CFC1: variants seen among roughly 807,000 people sequenced by gnomAD.
The protein encoded by CFC1 is cryptic protein.
For synonymous variants in CFC1, 8 were observed against 50.7 expected (o/e 0.16, Z 3.58); for missense variants, 14 against 120.0 (o/e 0.12, Z 4.13).
rs1290512526 is a variant in CFC1 at position 130,592,178 on chromosome 2, T to C, written c.*699A>G. 1 of 148,536 alleles carries C rather than the reference T, an allele frequency of 6.7e-6. No homozygotes were observed. Among genetic ancestry groups the C allele is most frequent in the East Asian group, 1.9e-4 (1 of 5,144 alleles). 9.2% of individuals were successfully genotyped at this position (148,536 alleles called of 1,614,324 possible). A position where few individuals can be genotyped will look rare whatever the true frequency, so the allele number is the denominator to read the frequency against. Reference sequence around the variant, plus strand: ...CCAAGCCAGCCCTCTAATGAAGTTCTACTTTATTTTTCTTTAATACTCATT... The same window carrying C: ...CCAAGCCAGCCCTCTAATGAAGTTCCACTTTATTTTTCTTTAATACTCATT... On this transcript the variant is annotated 3_prime_UTR_variant, in exon 6 of 6. Transcript: ENST00000259216.
chr2:130,598,210 G>GTGGC (rs1209751131), intron 3 of CFC1, among the ~76,000 whole-genome samples: 20 of 135,528 alleles, frequency 1.5e-4, no homozygotes, highest in Non-Finnish European at 1.5e-5. Flanking sequence ...ACCTCTGGCT[G>GTGGC]TGGCTTCACC....
chr2:130,594,337 C>T (rs1684906739), intron 5 of CFC1, among the ~76,000 whole-genome samples: 1 of 146,422 alleles, frequency 6.8e-6, no homozygotes, highest in South Asian at 2.1e-4. Flanking sequence ...GGTGCTAAGA[C>T]AGGCGCTCAC....
At chr2:130,596,834 C>T (rs1391286309) in intron 5 of CFC1, among the ~76,000 whole-genome samples, 1 of 146,206 alleles carries the variant, frequency 6.8e-6, no homozygotes, top group African/African-American at 2.8e-5. Flanking sequence ...CGGGGCTGTG[C>T]TCTTTGACAG....
chr2:130,595,798 T>C (rs1205704774), intron 5 of CFC1, among the ~76,000 whole-genome samples: 1 of 149,946 alleles, frequency 6.7e-6, no homozygotes, highest in Non-Finnish European at 1.5e-5. Flanking sequence ...TTACTATCTG[T>C]AGGAGTTGAT....
intron 5 of CFC1, among the ~76,000 whole-genome samples, chr2:130,595,967 C>T (rs1297885958): frequency 1.1e-4 from 11 of 101,194 alleles, no homozygotes; most frequent in African/African-American, 4.0e-4. Context: ...TGCAATGGCA[C>T]CTGCCACGGA....
At chr2:130,595,853 T>A (rs1439894655) in intron 5 of CFC1, among the ~76,000 whole-genome samples, 3 of 136,424 alleles carry the variant, frequency 2.2e-5, no homozygotes, top group Non-Finnish European at 4.6e-5. Flanking sequence ...TGTACCTACT[T>A]CATTGGCTTT....
intron 5 of CFC1, among the ~76,000 whole-genome samples, chr2:130,594,214 G>T (rs1174401530): frequency 1.3e-5 from 2 of 149,310 alleles, no homozygotes; most frequent in Non-Finnish European, 2.9e-5. Flanking sequence ...CCAGGCTTGG[G>T]TGCCACCTCC....
intron 5 of CFC1, among the ~76,000 whole-genome samples, chr2:130,594,900 G>C (rs1350879551): frequency 1.4e-5 from 2 of 147,954 alleles, no homozygotes; most frequent in Non-Finnish European, 2.9e-5. Context: ...AGAGCAAGGA[G>C]GGCTCTTGGT....
At chr2:130,594,929 C>A (rs1237911927) in intron 5 of CFC1, among the ~76,000 whole-genome samples, 1 of 147,698 alleles carries the variant, frequency 6.8e-6, no homozygotes, top group East Asian at 1.9e-4. Flanking sequence ...GACAGAGAGT[C>A]CCTGCAGCAG....
chr2:130,595,844 G>A (rs1175127608), intron 5 of CFC1, among the ~76,000 whole-genome samples: 44 of 142,760 alleles, frequency 3.1e-4, no homozygotes, highest in Admixed American at 8.3e-4. Flanking sequence ...TGTAAAAGGT[G>A]TACCTACTTC....
At chr2:130,596,511 CG>C in intron 5 of CFC1, among the ~76,000 whole-genome samples, 1 of 150,406 alleles carries the variant, frequency 6.6e-6, no homozygotes, top group Non-Finnish European at 1.5e-5. Flanking sequence ...GTGGTCTGCA[CG>C]GCAGGCGGGG....
rs1486113690 is a variant in CFC1 at position 130,592,283 on chromosome 2, A to G, written c.*594T>C. On this transcript the variant is annotated 3_prime_UTR_variant, in exon 6 of 6. Transcript: ENST00000259216. ...TGCCAATAAACTAATTGACAATATA[A>G]AATGTAAAAGTAATTATGTCACACA... is the stretch of plus-strand genomic sequence containing the variant. 2 of 161,196 alleles carry G rather than the reference A, an allele frequency of 1.2e-5. No individual in the cohort carries two copies. The highest frequency in any genetic ancestry group is 5.2e-5 in the African/African-American group (2 of 38,178). The allele number at this position is 161,196 out of a possible 1,614,324, so 10.0% of individuals were successfully genotyped here.
chr2:130,593,688 T>TG (rs1179119119), intron 5 of CFC1, among the ~76,000 whole-genome samples: 3 of 148,246 alleles, frequency 2.0e-5, no homozygotes, highest in Non-Finnish European at 4.4e-5. Context: ...CTAGTCCCTG[T>TG]GTCCCCTCCC....
rs1684842842 is a variant in CFC1 at position 130,592,623 on chromosome 2, G to A, written c.*254C>T. 6.2e-6 allele frequency: 1 copy of A among 161,314 alleles called. No individual in the cohort carries two copies. The allele number at this position is 161,314 out of a possible 1,614,324, so 10.0% of individuals were successfully genotyped here. Reference sequence around the variant, plus strand: ...ACGCTTCCCCCTTAAGGGAGATGTTGTGAAAGGAAGGTGCTAACTGTCAGG... The same window carrying A: ...ACGCTTCCCCCTTAAGGGAGATGTTATGAAAGGAAGGTGCTAACTGTCAGG... On this transcript the variant is annotated 3_prime_UTR_variant, in exon 6 of 6. Coordinates refer to ENST00000259216, the MANE Select transcript of CFC1 (RefSeq NM_032545.4).
chr2:130,594,283 C>A (rs1169071573), intron 5 of CFC1, among the ~76,000 whole-genome samples: 5 of 148,124 alleles, frequency 3.4e-5, no homozygotes, highest in Non-Finnish European at 7.3e-5. Flanking sequence ...AATCCCCAAA[C>A]AGGAATGCTA....
At chr2:130,595,661 C>A (rs1684945994) in intron 5 of CFC1, among the ~76,000 whole-genome samples, 1 of 149,024 alleles carries the variant, frequency 6.7e-6, no homozygotes, top group Non-Finnish European at 1.5e-5. Context: ...TGGCATGAAC[C>A]CTGGAGGTGG....
intron 5 of CFC1, among the ~76,000 whole-genome samples, chr2:130,595,491 G>A (rs1684942219): frequency 2.0e-5 from 3 of 147,582 alleles, no homozygotes; most frequent in Admixed American, 6.6e-5. Flanking sequence ...CAGCACTTTG[G>A]GAGGCTGAGG....
At chr2:130,595,830 C>G (rs533742158) in intron 5 of CFC1, among the ~76,000 whole-genome samples, 14 of 145,782 alleles carry the variant, frequency 9.6e-5, no homozygotes, top group Admixed American at 1.3e-4. Context: ...TCAGCTTCCC[C>G]AAATGTAAAA....
At chr2:130,596,369 CCT>C (rs1272489863) in intron 5 of CFC1, among the ~76,000 whole-genome samples, 9 of 117,450 alleles carry the variant, frequency 7.7e-5, no homozygotes, top group African/African-American at 3.2e-4. Context: ...ACAAGCACCC[CCT>C]GTGATTCTGA....
Sources: allele counts gnomAD v4.1 joint callset (sites outside exome capture counted in the v4.1 genomes callset), GRCh38; gene constraint gnomAD v4.1.1; transcripts MANE v1.5; gene names NCBI Gene and HGNC (gene_info 2026-07-23, HGNC 2026-07-21).